STK32B: variants seen among roughly 807,000 people sequenced by gnomAD.
The protein encoded by STK32B is serine/threonine-protein kinase 32B.
Under a neutral mutation model 52.6 loss-of-function variants are expected in STK32B, and 43 were observed. The ratio of observed to expected loss-of-function variants is 0.82; its 90% CI spans 0.64 to 1.05. STK32B has a LOEUF of 1.05. Among genes scored for constraint, STK32B ranks in the 50% least tolerant of loss-of-function variants. The pLI, the probability that STK32B is intolerant of heterozygous loss-of-function variation, is 0.00. For missense variants in STK32B, 621 were observed against 534.6 expected (o/e 1.16, Z -1.59); for synonymous variants, 238 against 204.3 (o/e 1.17, Z -1.41).
chr4:5,110,473 T>C (rs1714342644), intron 1 of STK32B, among the ~76,000 whole-genome samples: 1 of 151,646 alleles, frequency 6.6e-6, no homozygotes, highest in Admixed American at 6.6e-5. Context: ...AACCAACTTG[T>C]CTTGGGCAAA....
intron 11 of STK32B, among the ~76,000 whole-genome samples, chr4:5,490,412 G>A (rs986471044): frequency 6.6e-6 from 1 of 152,040 alleles, no homozygotes; most frequent in African/African-American, 2.4e-5. Flanking sequence ...TGGCCTGTTA[G>A]GCAGTCTTAT....
intron 6 of STK32B, among the ~76,000 whole-genome samples, chr4:5,443,509 A>AT (rs1232704864): frequency 2.0e-5 from 3 of 150,944 alleles, no homozygotes; most frequent in Non-Finnish European, 4.4e-5. Context: ...ATTCTTCTAC[A>AT]TTTTTTTCAA....
At chr4:5,064,438 A>G (rs192802063) in intron 1 of STK32B, among the ~76,000 whole-genome samples, 6,950 of 104,380 alleles carry the variant, frequency 0.067, 1,716 homozygotes, top group South Asian at 0.18. Context: ...ATATACATAT[A>G]ATATATAAAT....
At chr4:5,039,153 T>C in the STK32B span, among the ~76,000 whole-genome samples, 1 of 151,912 alleles carries the variant, frequency 6.6e-6, no homozygotes, top group Non-Finnish European at 1.5e-5. Context: ...TGCCCAGATA[T>C]ATATATATTT....
intron 1 of STK32B, among the ~76,000 whole-genome samples, chr4:5,056,262 C>G (rs1742002904): frequency 6.6e-6 from 1 of 152,156 alleles, no homozygotes; most frequent in Non-Finnish European, 1.5e-5. Flanking sequence ...ATTTGTCTTC[C>G]ATGAAACGAA....
chr4:5,487,670 C>T (rs76865648), intron 11 of STK32B, among the ~76,000 whole-genome samples: 1,576 of 152,246 alleles, frequency 0.01, 24 homozygotes, highest in African/African-American at 0.035. Context: ...AGAGCAATTA[C>T]GTATTGTAAA....
At chr4:5,216,554 C>T (rs1204029113) in intron 3 of STK32B, among the ~76,000 whole-genome samples, 3 of 151,972 alleles carry the variant, frequency 2.0e-5, no homozygotes, top group East Asian at 1.9e-4. Context: ...GGAGTTTGTA[C>T]GACTGAAAAG....
intron 3 of STK32B, among the ~76,000 whole-genome samples, chr4:5,283,467 C>A (rs1454638629): frequency 6.6e-6 from 1 of 152,022 alleles, no homozygotes; most frequent in African/African-American, 2.4e-5. Flanking sequence ...GGAACGACAA[C>A]AAAAACATCC....
At chr4:5,203,423 T>C (rs943273149) in intron 3 of STK32B, among the ~76,000 whole-genome samples, 5 of 152,106 alleles carry the variant, frequency 3.3e-5, no homozygotes, top group East Asian at 1.9e-4. Context: ...GTGTCTCCTT[T>C]ACATGTCTCT....
chr4:5,281,835 A>G (rs1224814111), intron 3 of STK32B, among the ~76,000 whole-genome samples: 1 of 152,140 alleles, frequency 6.6e-6, no homozygotes, highest in Non-Finnish European at 1.5e-5. Context: ...AACAGATTCT[A>G]TTTCTTAAGT....
chr4:5,464,865 CGAAT>C (rs1001312885), intron 9 of STK32B, among the ~76,000 whole-genome samples: 1 of 152,066 alleles, frequency 6.6e-6, no homozygotes, highest in Non-Finnish European at 1.5e-5. Flanking sequence ...TATTTATGAA[CGAAT>C]GAATGAATGA....
At chr4:5,281,242 C>A (rs1429517081) in intron 3 of STK32B, among the ~76,000 whole-genome samples, 1 of 152,106 alleles carries the variant, frequency 6.6e-6, no homozygotes, top group Non-Finnish European at 1.5e-5. Context: ...CTGGGAATTA[C>A]AATTTGACAT....
At chr4:5,185,810 C>T (rs12650617) in intron 3 of STK32B, among the ~76,000 whole-genome samples, 1 of 152,050 alleles carries the variant, frequency 6.6e-6, no homozygotes, top group Non-Finnish European at 1.5e-5. Flanking sequence ...GCTCCCGAAG[C>T]CCTCAGAATG....
chr4:5,236,085 C>G (rs977889220), intron 3 of STK32B, among the ~76,000 whole-genome samples: 1 of 152,158 alleles, frequency 6.6e-6, no homozygotes, highest in Non-Finnish European at 1.5e-5. Context: ...CTCTTACTGG[C>G]ATGTCAATTA....
chr4:5,075,108 C>G (rs1249088934), intron 1 of STK32B, among the ~76,000 whole-genome samples: 2 of 152,126 alleles, frequency 1.3e-5, no homozygotes, highest in Non-Finnish European at 2.9e-5. Flanking sequence ...CATTTTGGGG[C>G]ACTGAAATTA....
intron 3 of STK32B, among the ~76,000 whole-genome samples, chr4:5,303,064 T>A (rs976886578): frequency 6.6e-6 from 1 of 151,894 alleles, no homozygotes; most frequent in Non-Finnish European, 1.5e-5. Flanking sequence ...ATATCACTTT[T>A]TTTATTCACT....
intron 3 of STK32B, among the ~76,000 whole-genome samples, chr4:5,219,665 G>T (rs996598632): frequency 2.0e-5 from 3 of 152,234 alleles, no homozygotes; most frequent in Non-Finnish European, 4.4e-5. Flanking sequence ...CCCACAGTAA[G>T]AAGTCCCTGT....
At chr4:5,450,160 G>C (rs866993158) in intron 7 of STK32B, among the ~76,000 whole-genome samples, 3 of 152,088 alleles carry the variant, frequency 2.0e-5, no homozygotes, top group African/African-American at 7.2e-5. Context: ...ACTTCTCTCT[G>C]ACCCAAACTA....
intron 3 of STK32B, among the ~76,000 whole-genome samples, chr4:5,246,238 A>T (rs1323871847): frequency 1.3e-5 from 2 of 152,174 alleles, no homozygotes; most frequent in African/African-American, 4.8e-5. Flanking sequence ...GTCTTTTCAC[A>T]TAGTCCCATA....
Sources: gnomAD v4.1 joint callset for allele counts (sites outside exome capture counted in the v4.1 genomes callset) on GRCh38, gnomAD v4.1.1 for gene constraint, MANE v1.5 for transcripts, NCBI Gene and HGNC (gene_info 2026-07-23, HGNC 2026-07-21) for gene names.